CCDC30: variants seen among roughly 807,000 people sequenced by gnomAD.
CCDC30 encodes the protein coiled-coil domain containing 30.
A neutral mutation model predicts 100.2 loss-of-function variants in CCDC30; 70 were observed. That is an observed-to-expected ratio of 0.70 (90% CI 0.58 to 0.85). CCDC30 has a LOEUF of 0.85. Among genes scored for constraint, CCDC30 ranks in the 40% least tolerant of loss-of-function variants. The pLI, the probability that CCDC30 is intolerant of heterozygous loss-of-function variation, is 0.00. For synonymous variants in CCDC30, 233 were observed against 269.5 expected (o/e 0.86, Z 1.33); for missense variants, 652 against 771.2 (o/e 0.85, Z 1.83).
At chr1:42,500,476 T>G in intron 6 of CCDC30, 1 of 600,074 alleles carries the variant, frequency 1.7e-6, no homozygotes, top group East Asian at 3.1e-5. Flanking sequence ...TGCAGTGGCG[T>G]GATGTCGGCT....
intron 3 of CCDC30, among the ~76,000 whole-genome samples, chr1:42,489,348 C>T (rs922272903): frequency 6.6e-6 from 1 of 152,190 alleles, no homozygotes; most frequent in Non-Finnish European, 1.5e-5. Flanking sequence ...CTGGTAGTTA[C>T]TGCTATGGTA....
At chr1:42,643,813 G>A (rs1477896224) in intron 13 of CCDC30, among the ~76,000 whole-genome samples, 1 of 152,194 alleles carries the variant, frequency 6.6e-6, no homozygotes, top group Non-Finnish European at 1.5e-5. Context: ...TACATGGCAA[G>A]TACTTGAAAC....
chr1:42,566,220 T>G (rs1034547853), intron 6 of CCDC30, 76 bp from the exon 11 acceptor site: 2 of 1,142,626 alleles, frequency 1.8e-6, no homozygotes, highest in Admixed American at 4.7e-5. Context: ...CAATTCCGGT[T>G]CTGACAACTT....
At chr1:42,479,619 G>A (rs1026241360) in intron 1 of CCDC30, among the ~76,000 whole-genome samples, 6 of 149,940 alleles carry the variant, frequency 4.0e-5, no homozygotes, top group Admixed American at 2.7e-4. Flanking sequence ...GTTCCCCACT[G>A]GTGAGGAATG....
chr1:42,641,874 CA>C (rs1244318214), intron 12 of CCDC30, among the ~76,000 whole-genome samples: 2 of 151,240 alleles, frequency 1.3e-5, no homozygotes, highest in Non-Finnish European at 3.0e-5. Context: ...ACAAAACAAA[CA>C]AACAAAAAAC....
At chr1:42,516,046 G>C (rs927778541) in intron 6 of CCDC30, among the ~76,000 whole-genome samples, 1 of 152,098 alleles carries the variant, frequency 6.6e-6, no homozygotes, top group Admixed American at 6.5e-5. Flanking sequence ...TAAATTCTTT[G>C]GGGTATATAA....
chr1:42,581,591 C>T, intron 9 of CCDC30, 77 bp downstream of exon 13: 1 of 1,335,234 alleles, frequency 7.5e-7, no homozygotes. Flanking sequence ...TTTTTTCTAA[C>T]AGAATATCAG....
intron 12 of CCDC30, 103 bp downstream of exon 16, chr1:42,637,481 T>A (rs1413960706): frequency 2.8e-6 from 3 of 1,060,764 alleles, no homozygotes; most frequent in Non-Finnish European, 4.2e-6. Flanking sequence ...CCCTTCATAG[T>A]CCTCGTTTTC....
At chr1:42,526,485 C>A (rs1357619054) in intron 6 of CCDC30, among the ~76,000 whole-genome samples, 2 of 152,086 alleles carry the variant, frequency 1.3e-5, no homozygotes, top group South Asian at 4.1e-4. Context: ...AGAACTATCT[C>A]TGCTTGACTA....
chr1:42,512,023 T>C (rs1456026553), intron 6 of CCDC30, among the ~76,000 whole-genome samples: 1 of 152,216 alleles, frequency 6.6e-6, no homozygotes, highest in Admixed American at 6.5e-5. Context: ...TTTCTATAGA[T>C]TGTAGATTAA....
chr1:42,491,506 TA>T (rs34146821), intron 4 of CCDC30, among the ~76,000 whole-genome samples: 112 of 144,154 alleles, frequency 7.8e-4, no homozygotes, highest in Non-Finnish European at 6.5e-4. Flanking sequence ...GGTTAATGGG[TA>T]AAAAAAAAAA....
At chr1:42,523,615 T>G (rs1156506750) in intron 6 of CCDC30, among the ~76,000 whole-genome samples, 8 of 152,212 alleles carry the variant, frequency 5.3e-5, no homozygotes, top group Non-Finnish European at 1.2e-4. Flanking sequence ...CTCTTGGTTG[T>G]TTGTATTCAT....
chr1:42,483,686 G>A (rs535652592), intron 3 of CCDC30, among the ~76,000 whole-genome samples: 1 of 152,256 alleles, frequency 6.6e-6, no homozygotes, highest in Admixed American at 6.5e-5. Context: ...GTTCCTGCTC[G>A]AGTCTGTTGT....
intron 6 of CCDC30, among the ~76,000 whole-genome samples, chr1:42,545,180 A>AT (rs1645102090): frequency 7.2e-6 from 1 of 139,660 alleles, no homozygotes; most frequent in Middle Eastern, 3.4e-3. Context: ...AAAAAAAAAA[A>AT]AAAAAAAAGG....
At chr1:42,495,675 GC>G (rs1431673026) in intron 4 of CCDC30, among the ~76,000 whole-genome samples, 2 of 151,588 alleles carry the variant, frequency 1.3e-5, no homozygotes, top group Non-Finnish European at 2.9e-5. Flanking sequence ...AGGCAACAGA[GC>G]AAGATTCTGA....
the CCDC30 span, chr1:42,457,509 A>G: frequency 3.1e-6 from 2 of 647,064 alleles, no homozygotes; most frequent in Non-Finnish European, 5.5e-6. Context: ...CTCACAATCT[A>G]GTGAGGGAGC....
intron 6 of CCDC30, among the ~76,000 whole-genome samples, chr1:42,506,497 A>G (rs1196978001): frequency 2.6e-5 from 4 of 152,248 alleles, no homozygotes; most frequent in Non-Finnish European, 5.9e-5. Context: ...AATAACTTCA[A>G]TCTTAATTAT....
intron 1 of CCDC30, among the ~76,000 whole-genome samples, chr1:42,477,300 G>T (rs1643894823): frequency 6.6e-6 from 1 of 152,024 alleles, no homozygotes; most frequent in Non-Finnish European, 1.5e-5. Flanking sequence ...TGTGATCTCG[G>T]CTCACTGCAA....
intron 1 of CCDC30, among the ~76,000 whole-genome samples, chr1:42,475,610 C>G (rs1308929084): frequency 6.6e-6 from 1 of 152,138 alleles, no homozygotes; most frequent in Non-Finnish European, 1.5e-5. Flanking sequence ...ATTATATCTT[C>G]TACCCCAAGA....
Sources: gnomAD v4.1 joint callset for allele counts (sites outside exome capture counted in the v4.1 genomes callset) on GRCh38, gnomAD v4.1.1 for gene constraint, MANE v1.5 for transcripts, NCBI Gene and HGNC (gene_info 2026-07-23, HGNC 2026-07-21) for gene names.